Variants in ZNF831 observed in about 807,000 individuals in gnomAD.
ZNF831 encodes the protein zinc finger protein 831, also known as chromosome 20 open reading frame 174.
ZNF831 carries 59 observed loss-of-function variants against 95.8 expected under a neutral mutation model. The observed-to-expected ratio is 0.62, with a 90% CI of 0.50 to 0.77. ZNF831 has a LOEUF of 0.77. ZNF831 is among the 30% of genes least tolerant of loss of function. ZNF831 has a pLI of 0.00. For missense variants in ZNF831, 2,205 were observed against 2,164.0 expected (o/e 1.02, Z -0.38); for synonymous variants, 961 against 925.5 (o/e 1.04, Z -0.70).
At chr20:59,198,031 C>G (rs1984250328) in intron 3 of ZNF831, among the ~76,000 whole-genome samples, 1 of 152,172 alleles carries the variant, frequency 6.6e-6, no homozygotes, top group Non-Finnish European at 1.5e-5. Flanking sequence ...TCATTAACAG[C>G]TCCCACTTTC....
intron 2 of ZNF831, among the ~76,000 whole-genome samples, chr20:59,155,839 A>G (rs1980507030): frequency 6.6e-6 from 1 of 152,192 alleles, no homozygotes; most frequent in South Asian, 2.1e-4. Flanking sequence ...GGAAGACTTC[A>G]TCTTCAGAGT....
intron 4 of ZNF831, among the ~76,000 whole-genome samples, chr20:59,231,894 C>T (rs1406658808): frequency 1.3e-5 from 2 of 152,172 alleles, no homozygotes; most frequent in African/African-American, 2.4e-5. Flanking sequence ...ATATGGTGAG[C>T]TACGGTAATA....
intron 1 of ZNF831, among the ~76,000 whole-genome samples, chr20:59,187,558 A>G (rs1430357358): frequency 1.3e-5 from 2 of 152,210 alleles, no homozygotes; most frequent in Admixed American, 1.3e-4. Flanking sequence ...AGCCCAAAGT[A>G]CTTTTAAAAA....
At chr20:59,138,475 C>T (rs1979580592) in intron 1 of ZNF831, among the ~76,000 whole-genome samples, 1 of 152,200 alleles carries the variant, frequency 6.6e-6, no homozygotes, top group Admixed American at 6.5e-5. Context: ...CTTGTTTGCA[C>T]CTCACTGCAC....
In ZNF831 at chr20:59,253,860, C is replaced by CT. The variant is rs1555837582; in HGVS notation, c.4189-38_4189-37insT. On this transcript the variant is annotated intron_variant, in intron 5 of 5. Coordinates refer to ENST00000371030, the MANE Select transcript of ZNF831 (RefSeq NM_178457.3). ...CATTTTTCTTTGTACCAATTAACCT[C>CT]CCCCCCCACTTTTTTTTTCCTTTGC... The CT allele has an allele frequency of 4.2e-5, 38 of 904,340 alleles. 5 individuals are homozygous for CT. Among genetic ancestry groups the CT allele is most frequent in the Admixed American group, 1.4e-4 (4 of 29,610 alleles). The allele number at this position is 904,340 out of a possible 1,614,324, so 56.0% of individuals were successfully genotyped here. A position where few individuals can be genotyped will look rare whatever the true frequency, so the allele number is the denominator to read the frequency against.
intron 2 of ZNF831, among the ~76,000 whole-genome samples, chr20:59,154,334 TA>T (rs1338801677): frequency 2.0e-5 from 3 of 152,166 alleles, no homozygotes; most frequent in African/African-American, 7.2e-5. Context: ...AAGGTACACA[TA>T]ACCGTGTTGG....
Position 59,191,193 on chromosome 20 carries a change from G to T in ZNF831, c.174G>T (p.Leu58=). The T allele has an allele frequency of 6.3e-7, 1 of 1,592,752 alleles. No individual in the cohort carries two copies. The highest frequency in any genetic ancestry group is 1.3e-5 in the African/African-American group (1 of 74,398). The change falls in exon 2 of 6, where the codon CTG becomes CTT. Residue 58 remains leucine (L), a synonymous_variant. Transcript: ENST00000371030. ...LAPPTVFLKA[L]PIPLYHTVPP... ...CCCCCACTGTGTTCCTGAAGGCCCTGCCCATCCCACTGTACCACACGGTGC... is the reference window on the plus strand; with the variant it reads ...CCCCCACTGTGTTCCTGAAGGCCCTTCCCATCCCACTGTACCACACGGTGC...
rs1390225274 is a variant in ZNF831 at position 59,256,694 on chromosome 20, C to T, written c.*1951C>T. 4.6e-5 allele frequency: 7 copies of T among 152,150 alleles called. No individual in the cohort carries two copies. Among genetic ancestry groups the T allele is most frequent in the Non-Finnish European group, 8.8e-5 (6 of 68,020 alleles). 9.4% of individuals were successfully genotyped at this position (152,150 alleles called of 1,614,324 possible). The stretch of plus-strand genomic sequence containing the variant: ...TGGACTCAATGGCTTGAAGATATTC[C>T]CCATGGGGAACCATTGCCACGGAGG... On this transcript the variant is annotated 3_prime_UTR_variant, in exon 6 of 6. Coordinates refer to ENST00000371030, the MANE Select transcript of ZNF831 (RefSeq NM_178457.3).
intron 2 of ZNF831, among the ~76,000 whole-genome samples, chr20:59,148,848 C>T (rs1202866540): frequency 2.0e-5 from 3 of 152,054 alleles, no homozygotes; most frequent in Non-Finnish European, 2.9e-5. Flanking sequence ...ACCCACATAC[C>T]TGGTGTGAGT....
In ZNF831 at chr20:59,192,484, C is replaced by G. The variant is rs1283668074; in HGVS notation, c.1465C>G (p.Pro489Ala). ...KSRPLFFHSV[P>A]TQLSTTVECV... Reference sequence around the variant, plus strand: ...TCGGCCCCTCTTCTTCCACTCCGTCCCCACTCAGCTCTCCACCACCGTGGA... The same window carrying G: ...TCGGCCCCTCTTCTTCCACTCCGTCGCCACTCAGCTCTCCACCACCGTGGA... Residue 489 changes from proline (P) to alanine (A), a missense_variant, in exon 2 of 6, where the codon CCC (proline) becomes GCC (alanine). Physicochemically the swap from Pro to Ala is conservative, Grantham distance 27. Coordinates refer to ENST00000371030, the MANE Select transcript of ZNF831 (RefSeq NM_178457.3). This position sits in a 1 kb window ranked among gnomAD's most constrained non-coding sequence, Gnocchi z 5.2. 2 of 1,576,924 alleles carry G rather than the reference C, an allele frequency of 1.3e-6. No individual in the cohort carries two copies. The highest frequency in any genetic ancestry group is 1.7e-6 in the Non-Finnish European group (2 of 1,162,732).
At chr20:59,185,699 G>A (rs1374389123) in intron 1 of ZNF831, among the ~76,000 whole-genome samples, 1 of 152,142 alleles carries the variant, frequency 6.6e-6, no homozygotes, top group African/African-American at 2.4e-5. Context: ...CTGTGTCCTG[G>A]CACCCCTCTT....
intron 4 of ZNF831, among the ~76,000 whole-genome samples, chr20:59,245,848 G>A (rs1600682644): frequency 6.6e-6 from 1 of 152,148 alleles, no homozygotes; most frequent in Non-Finnish European, 1.5e-5. Context: ...TATCTGAGAG[G>A]AAAAAGTGAT....
At chr20:59,232,575 A>G (rs1986783554) in intron 4 of ZNF831, among the ~76,000 whole-genome samples, 1 of 152,042 alleles carries the variant, frequency 6.6e-6, no homozygotes, top group Non-Finnish European at 1.5e-5. Flanking sequence ...TTAAAGGAGA[A>G]AACATCTCTG....
At chr20:59,167,567 A>T (rs758852791) in intron 1 of ZNF831, among the ~76,000 whole-genome samples, 1 of 151,990 alleles carries the variant, frequency 6.6e-6, no homozygotes, top group South Asian at 2.1e-4. Context: ...TTTTCCCCTA[A>T]GCTTTTACAG....
chr20:59,168,921 A>G (rs1337670134), intron 1 of ZNF831, among the ~76,000 whole-genome samples: 2 of 152,180 alleles, frequency 1.3e-5, no homozygotes, highest in East Asian at 3.8e-4. Flanking sequence ...TTCAAGGTGT[A>G]TAATTTTTTT....
At chr20:59,141,917 C>T (rs543445799) in intron 1 of ZNF831, among the ~76,000 whole-genome samples, 2 of 152,326 alleles carry the variant, frequency 1.3e-5, no homozygotes, top group South Asian at 2.1e-4. Context: ...CCTGGACCCT[C>T]GTCTCCCAGC....
intron 1 of ZNF831, among the ~76,000 whole-genome samples, chr20:59,138,259 G>A (rs8116295): frequency 0.11 from 17,209 of 152,162 alleles, 1,039 homozygotes; most frequent in African/African-American, 0.13. Flanking sequence ...GTCTGCAGGC[G>A]TTTGAGGTCA....
intron 4 of ZNF831, among the ~76,000 whole-genome samples, chr20:59,218,744 G>A (rs1009707913): frequency 4.6e-5 from 7 of 152,012 alleles, no homozygotes; most frequent in Non-Finnish European, 7.4e-5. Flanking sequence ...GTTGGGTTGG[G>A]GCCATCTTTT....
chr20:59,189,483 A>G (rs1456783952), intron 1 of ZNF831, among the ~76,000 whole-genome samples: 1 of 152,086 alleles, frequency 6.6e-6, no homozygotes, highest in Non-Finnish European at 1.5e-5. Context: ...ATGTGCTGCT[A>G]CTTCTATGTT....
Sources: allele counts gnomAD v4.1 joint callset (sites outside exome capture counted in the v4.1 genomes callset), GRCh38; gene constraint gnomAD v4.1.1; non-coding constraint Gnocchi (gnomAD v3.1); transcripts MANE v1.5; gene names NCBI Gene and HGNC (gene_info 2026-07-23, HGNC 2026-07-21).